DLG2: variants seen among roughly 807,000 people sequenced by gnomAD.
DLG2 encodes the protein disks large homolog 2.
Under a neutral mutation model 132.5 loss-of-function variants are expected in DLG2, and 45 were observed. That is an observed-to-expected ratio of 0.34 (90% CI 0.27 to 0.44). The LOEUF is 0.44. Among genes scored for constraint, DLG2 ranks in the 20% least tolerant of loss-of-function variants. The pLI is 1.00. For missense variants in DLG2, 1,045 were observed against 1,196.9 expected (o/e 0.87, Z 1.87); for synonymous variants, 424 against 419.6 (o/e 1.01, Z -0.13).
rs550808257 is a variant in DLG2, at chr11:84,507,136, T to G, written c.519+27434A>C. Among the ~76,000 whole-genome samples the G allele has an allele frequency of 3.9e-5, 6 of 152,316 alleles. 1 individual carries two copies. The South Asian group carries it at 1.2e-3, about 32-fold the overall frequency. On this transcript the variant is annotated intron_variant, in intron 7 of 27. Coordinates refer to ENST00000376104, the MANE Select transcript of DLG2 (RefSeq NM_001142699.3). ...ATCAAGTTTCTATATACTCATTCAC[T>G]CATATCGTCAATGAATATTCATAGA... is the stretch of plus-strand genomic sequence containing the variant.
chr11:85,144,639 A>G (rs941252774), intron 5 of DLG2, among the ~76,000 whole-genome samples: 1 of 151,782 alleles, frequency 6.6e-6, no homozygotes, highest in African/African-American at 2.4e-5. Flanking sequence ...TATCTTGTAA[A>G]AAATAATTTT....
At chr11:83,768,474 A>T (rs1198720118) in intron 18 of DLG2, among the ~76,000 whole-genome samples, 1 of 152,140 alleles carries the variant, frequency 6.6e-6, no homozygotes, top group Non-Finnish European at 1.5e-5. Flanking sequence ...TCACAGTTCC[A>T]TTTAGACCAA....
At chr11:83,700,868 A>G (rs2082808012) in intron 18 of DLG2, among the ~76,000 whole-genome samples, 1 of 152,234 alleles carries the variant, frequency 6.6e-6, no homozygotes, top group Non-Finnish European at 1.5e-5. Context: ...AATGAATCAC[A>G]AGTGTTCAGA....
chr11:83,938,796 A>T (rs922334593), intron 14 of DLG2, among the ~76,000 whole-genome samples: 3 of 152,230 alleles, frequency 2.0e-5, no homozygotes, highest in Non-Finnish European at 2.9e-5. Flanking sequence ...TTTAGGTAAC[A>T]GGACACATGT....
intron 6 of DLG2, among the ~76,000 whole-genome samples, chr11:84,872,920 G>T (rs1482473330): frequency 6.6e-6 from 1 of 152,152 alleles, no homozygotes; most frequent in Non-Finnish European, 1.5e-5. Context: ...AGGCACCAAA[G>T]AGAAAAAGAC....
intron 6 of DLG2, among the ~76,000 whole-genome samples, chr11:84,705,408 A>T (rs2059682901): frequency 6.6e-6 from 1 of 151,690 alleles, no homozygotes; most frequent in South Asian, 2.1e-4. Context: ...TACCAGTTCT[A>T]TTGCAAATCA....
intron 3 of DLG2, among the ~76,000 whole-genome samples, chr11:85,393,396 G>A (rs2086978516): frequency 2.0e-5 from 3 of 152,150 alleles, no homozygotes; most frequent in Non-Finnish European, 2.9e-5. Context: ...AACTACTATG[G>A]AAAACATTTT....
At chr11:85,205,295 T>C (rs1043225004) in intron 4 of DLG2, among the ~76,000 whole-genome samples, 14 of 151,508 alleles carry the variant, frequency 9.2e-5, no homozygotes, top group Admixed American at 3.9e-4. Context: ...AAAAGACAAA[T>C]AACATATGTT....
rs575643897 is a variant in DLG2, at chr11:83,768,516, A to G, written c.1825+18174T>C. On this transcript the variant is annotated intron_variant, in intron 18 of 27. Coordinates refer to ENST00000376104, the MANE Select transcript of DLG2 (RefSeq NM_001142699.3). ...TTCAGAAATTCTCACTTCGGTGGTAATCTGCTTTCTTTAACATCCAGTTTT... is the reference window on the plus strand; with the variant it reads ...TTCAGAAATTCTCACTTCGGTGGTAGTCTGCTTTCTTTAACATCCAGTTTT... Among the ~76,000 whole-genome samples, 78 of 152,290 alleles carry G rather than the reference A, an allele frequency of 5.1e-4. No individual in the cohort carries two copies. In the Middle Eastern group the frequency reaches 0.01, roughly 20 times the overall value.
chr11:84,516,767 G>GA (rs1224471332), intron 7 of DLG2, among the ~76,000 whole-genome samples: 1 of 150,260 alleles, frequency 6.7e-6, no homozygotes, highest in Non-Finnish European at 1.5e-5. Context: ...ATAAAAAAAA[G>GA]AAAAAAAGAA....
chr11:83,583,473 C>CT (rs1436382403), intron 19 of DLG2, among the ~76,000 whole-genome samples: 7 of 152,228 alleles, frequency 4.6e-5, no homozygotes, highest in Non-Finnish European at 1.5e-5. Context: ...AGACCCACCT[C>CT]TTCCTTTTAT....
Position 83,539,913 on chromosome 11 carries a change from G to T in DLG2, c.2117+1769C>A, listed in dbSNP as rs145800525. ...TGATGAGCTAATTGAACAAACAAAT[G>T]ACTTGATAAGATTGGTTAGAATCAT... On this transcript the variant is annotated intron_variant, in intron 20 of 27. Coordinates refer to ENST00000376104, the MANE Select transcript of DLG2 (RefSeq NM_001142699.3). Among the ~76,000 whole-genome samples the T allele has an allele frequency of 5.0e-4, 76 of 152,256 alleles. 3 individuals are homozygous for T. In the East Asian group the frequency reaches 0.011, roughly 23 times the overall value.
intron 7 of DLG2, among the ~76,000 whole-genome samples, chr11:84,501,314 C>T (rs2099204209): frequency 1.3e-5 from 2 of 152,184 alleles, no homozygotes; most frequent in South Asian, 4.1e-4. Flanking sequence ...CCTGTAATCC[C>T]AGCACTTTGG....
chr11:85,287,762 T>C (rs1158596813), intron 3 of DLG2, among the ~76,000 whole-genome samples: 1 of 152,028 alleles, frequency 6.6e-6, no homozygotes, highest in Non-Finnish European at 1.5e-5. Flanking sequence ...GTGAAATAGA[T>C]AAATTGTGAT....
At chr11:84,810,282 G>A (rs142131759) in intron 6 of DLG2, among the ~76,000 whole-genome samples, 2 of 152,062 alleles carry the variant, frequency 1.3e-5, no homozygotes, top group African/African-American at 2.4e-5. Context: ...TAATCCAATT[G>A]GAAATTAGGT....
At chr11:84,737,861 G>C (rs1452403623) in intron 6 of DLG2, among the ~76,000 whole-genome samples, 1 of 152,026 alleles carries the variant, frequency 6.6e-6, no homozygotes, top group Non-Finnish European at 1.5e-5. Flanking sequence ...TAGGTTTCTG[G>C]TATACATAAC....
At chr11:85,172,635 G>A (rs920638189) in intron 4 of DLG2, among the ~76,000 whole-genome samples, 1 of 152,202 alleles carries the variant, frequency 6.6e-6, no homozygotes, top group South Asian at 2.1e-4. Flanking sequence ...ATTGACAGAA[G>A]TAGGCTTCAG....
At chr11:84,016,379 A>C (rs1401462343) in intron 11 of DLG2, among the ~76,000 whole-genome samples, 1 of 151,712 alleles carries the variant, frequency 6.6e-6, no homozygotes, top group Non-Finnish European at 1.5e-5. Context: ...CAATTTTTGC[A>C]TTTGTTGCAA....
intron 7 of DLG2, among the ~76,000 whole-genome samples, chr11:84,533,904 C>CAAAAAAA (rs1374423345): frequency 3.6e-5 from 1 of 28,132 alleles, no homozygotes; most frequent in African/African-American, 1.5e-4. Context: ...GCCAGTTCAG[C>CAAAAAAA]CAAAAAAAAA....
Sources: allele counts gnomAD v4.1 joint callset (sites outside exome capture counted in the v4.1 genomes callset), GRCh38; gene constraint gnomAD v4.1.1; transcripts MANE v1.5; gene names NCBI Gene and HGNC (gene_info 2026-07-23, HGNC 2026-07-21).